The following SETD1B variants were observed in gnomAD, a reference collection of about 807,000 sequenced individuals.
The protein encoded by SETD1B is histone-lysine N-methyltransferase SETD1B.
A neutral mutation model predicts 148.0 loss-of-function variants in SETD1B; 7 were observed. The observed-to-expected ratio is 0.05, with a 90% CI of 0.03 to 0.09. The LOEUF (loss-of-function observed/expected upper bound fraction) is 0.09. Among genes scored for constraint, SETD1B ranks in the 10% least tolerant of loss-of-function variants. SETD1B has a pLI of 1.00. For synonymous variants in SETD1B, 1,361 were observed against 1,186.5 expected, an observed-to-expected ratio of 1.15 and a Z score of -3.02; for missense variants, 2,155 against 2,729.9, an observed-to-expected ratio of 0.79 and a Z score of 4.69.
In SETD1B at chr12:121,808,170, G is replaced by A; in HGVS notation, c.545-38G>A. The A allele has an allele frequency of 6.7e-7, 1 of 1,499,166 alleles. No individual in the cohort carries two copies. The highest frequency in any genetic ancestry group is 9.1e-7 in the Non-Finnish European group (1 of 1,101,854). The allele number at this position is 1,499,166 out of a possible 1,614,324, so 92.9% of individuals were successfully genotyped here. On this transcript the variant is annotated intron_variant, in intron 4 of 16. Coordinates refer to ENST00000604567, the MANE Select transcript of SETD1B (RefSeq NM_001353345.2). The surrounding 1 kb of genome is among the most constrained non-coding windows in gnomAD (Gnocchi z 5.3). ...TCCTTGTGGGGGCTGCCCCATCCTGGAACCTCACTGAGTTCCCCCTTTCCT... is the reference window on the plus strand; with the variant it reads ...TCCTTGTGGGGGCTGCCCCATCCTGAAACCTCACTGAGTTCCCCCTTTCCT...
chr12:121,816,857 G>A (rs576803044), intron 7 of SETD1B, among the ~76,000 whole-genome samples, 176 bp from the exon 8 acceptor site: 4 of 152,312 alleles, frequency 2.6e-5, no homozygotes, highest in East Asian at 1.9e-4. Context: ...GAGGCAGAGC[G>A]GTGCTCTAGA....
Position 121,823,079 on chromosome 12 carries a change from G to GCCCC in SETD1B, c.4502_4503insCCCC (p.Leu1503ThrfsTer65). Reference sequence around the variant, plus strand: ...CCCAGGCTCGTGCGCCCACCCCGCTGCCACCCCTGCTGCCCGCCCCCCTGG... The same window carrying GCCCC: ...CCCAGGCTCGTGCGCCCACCCCGCTGCCCCCCACCCCTGCTGCCCGCCCCCCTGG... On this transcript the variant is annotated frameshift_variant, in exon 12 of 17. Transcript: ENST00000604567. LOFTEE classifies it high-confidence loss of function. The GCCCC allele has an allele frequency of 1.4e-6, 2 of 1,434,188 alleles. No individual in the cohort carries two copies. The highest frequency in any genetic ancestry group is 1.4e-5 in the South Asian group (1 of 71,428). 88.8% of individuals were successfully genotyped at this position (1,434,188 alleles called of 1,614,324 possible).
In SETD1B at chr12:121,810,176, C is replaced by T. The variant is rs1399079579; in HGVS notation, c.1231C>T (p.Pro411Ser). The change falls in exon 6 of 17, where the codon CCG (proline) becomes TCG (serine). Residue 411 changes from proline (P) to serine (S), a missense_variant. Physicochemically the swap from Pro to Ser is moderately conservative, Grantham distance 74. This residue lies in a region of SETD1B where 376 missense variants were observed against 385.0 expected (regional missense o/e 0.98). Coordinates refer to ENST00000604567, the MANE Select transcript of SETD1B (RefSeq NM_001353345.2). This position sits in a 1 kb window ranked among gnomAD's most constrained non-coding sequence, Gnocchi z 7.6. ...QTPVAHFPPPPEEPTATAAFG... is the reference protein window; with the variant it reads ...QTPVAHFPPPSEEPTATAAFG... ...CCCAGTGGCCCACTTCCCTCCACCCCCGGAAGAGCCCACCGCCACAGCCGC... is the reference window on the plus strand; with the variant it reads ...CCCAGTGGCCCACTTCCCTCCACCCTCGGAAGAGCCCACCGCCACAGCCGC... The T allele has an allele frequency of 6.5e-7, 1 of 1,549,836 alleles. No homozygotes were observed.
In SETD1B at chr12:121,829,924, C is replaced by T. The variant is rs1322615901; in HGVS notation, c.5728-142C>T. On this transcript the variant is annotated intron_variant, in intron 16 of 16. Transcript: ENST00000604567. ...GGTCACCCCTGGGGGTCGGGGGAGC[C>T]AAGGTCCAGAGCAGAGCAGTGGGCT... is the stretch of plus-strand genomic sequence containing the variant. 8.2e-6 allele frequency: 5 copies of T among 607,954 alleles called. No individual in the cohort carries two copies. The Admixed American group carries it at 1.8e-4, about 21-fold the overall frequency. The allele number at this position is 607,954 out of a possible 1,614,324, so 37.7% of individuals were successfully genotyped here.
the SETD1B span, chr12:121,797,107 G>C: frequency 1.3e-4 from 30 of 238,438 alleles, no homozygotes; most frequent in South Asian, 1.0e-3. Context: ...GAAGTCACAT[G>C]CCAGCTACAG....
At chr12:121,802,558 A>G (rs1162560656), upstream of SETD1B, 1 of 152,058 alleles carries the variant, frequency 6.6e-6, no homozygotes, top group East Asian at 1.9e-4. Flanking sequence ...TCAAGAGAAT[A>G]CAGATTAAGA....
chr12:121,824,979 CAAAAAAAAAAA>C (rs780514725), intron 12 of SETD1B, among the ~76,000 whole-genome samples: 6 of 57,182 alleles, frequency 1.0e-4, no homozygotes, highest in Non-Finnish European at 1.5e-4. Context: ...GACCCTGTCT[CAAAAAAAAAAA>C]AAAAAAAAAA....
chr12:121,793,707 C>A, the SETD1B span: 1 of 1,328,654 alleles, frequency 7.5e-7, no homozygotes, highest in South Asian at 1.6e-5. Flanking sequence ...CGGGGCGGGG[C>A]CGGAACCAGC....
intron 11 of SETD1B, among the ~76,000 whole-genome samples, chr12:121,821,643 T>C (rs989175105): frequency 2.0e-5 from 3 of 147,038 alleles, no homozygotes; most frequent in Admixed American, 2.0e-4. Flanking sequence ...CCCAGCGGCT[T>C]GGGAGGCTGA....
At position 121,828,025 on chromosome 12, in the gene SETD1B, C is replaced by T; in HGVS notation, c.5682C>T (p.Ala1894=). The change falls in exon 16 of 17, where the codon GCC becomes GCT. Residue 1894 remains alanine, a synonymous_variant. Transcript: ENST00000604567. The part of the protein sequence containing the change: ...FRVDHDTIID[A]TKCGNFARFI... The stretch of plus-strand genomic sequence containing the variant: ...TGGACCATGACACCATCATCGACGC[C>T]ACCAAGTGCGGCAACTTCGCGCGCT... 2 of 1,552,296 alleles carry T rather than the reference C, an allele frequency of 1.3e-6. No homozygotes were observed. Among genetic ancestry groups the T allele is most frequent in the Non-Finnish European group, 1.7e-6 (2 of 1,147,202 alleles).
At chr12:121,826,742 G>A (rs1430268002) in intron 13 of SETD1B, among the ~76,000 whole-genome samples, 3 of 152,062 alleles carry the variant, frequency 2.0e-5, no homozygotes, top group Non-Finnish European at 4.4e-5. Context: ...GCTGGGCCGC[G>A]AGGAGCCATT....
Position 121,817,424 on chromosome 12 carries a change from A to G in SETD1B, c.3032A>G (p.Lys1011Arg). Reference sequence around the variant, plus strand: ...GCAGACACCCCCTGTGAGCTCGCCAAGCGGGACCCCAAGGGCGTGGGTGTG... The same window carrying G: ...GCAGACACCCCCTGTGAGCTCGCCAGGCGGGACCCCAAGGGCGTGGGTGTG... ...DMADTPCELA[K>R]RDPKGVGVRR... The change falls in exon 9 of 17, where the codon AAG becomes AGG. Residue 1011 changes from lysine to arginine, a missense_variant. By Grantham distance (26) the Lys-to-Arg change is conservative. Around this residue, in one of 11 missense-constraint regions of SETD1B, gnomAD observed 289 missense variants for 423.7 expected, o/e 0.68. Transcript: ENST00000604567. The surrounding 1 kb of genome is among the most constrained non-coding windows in gnomAD (Gnocchi z 8.1). The G allele has an allele frequency of 6.5e-7, 1 of 1,540,076 alleles. No homozygotes were observed. Among genetic ancestry groups the G allele is most frequent in the East Asian group, 2.5e-5 (1 of 40,642 alleles).
chr12:121,813,640 G>A (rs1016349824), intron 6 of SETD1B, among the ~76,000 whole-genome samples: 2 of 152,224 alleles, frequency 1.3e-5, no homozygotes, highest in African/African-American at 2.4e-5. Flanking sequence ...CACTATGGAA[G>A]TGGCAACTAT....
At position 121,822,808 on chromosome 12, in the gene SETD1B, A is replaced by C. The variant is rs762600731; in HGVS notation, c.4229A>C (p.Tyr1410Ser). 38 of 1,507,270 alleles carry C rather than the reference A, an allele frequency of 2.5e-5. No individual in the cohort carries two copies. The East Asian group carries it at 8.4e-4, about 33-fold the overall frequency. 93.4% of individuals were successfully genotyped at this position (1,507,270 alleles called of 1,614,324 possible). ...SPQVPGSPFSYPAPSPSLSSG... is the reference protein window; with the variant it reads ...SPQVPGSPFSSPAPSPSLSSG... ...CAAGTGCCCGGCAGCCCCTTCTCCTACCCAGCCCCGTCCCCTAGCTTGAGC... is the reference window on the plus strand; with the variant it reads ...CAAGTGCCCGGCAGCCCCTTCTCCTCCCCAGCCCCGTCCCCTAGCTTGAGC... The change falls in exon 12 of 17, where the codon TAC becomes TCC. Residue 1410 changes from tyrosine to serine, a missense_variant. Around this residue, in one of 11 missense-constraint regions of SETD1B, gnomAD observed 862 missense variants for 873.8 expected, o/e 0.99. Coordinates refer to ENST00000604567, the MANE Select transcript of SETD1B (RefSeq NM_001353345.2).
chr12:121,804,724 G>A lies in SETD1B; in HGVS notation c.-14G>A, dbSNP rs1478180472. 6.5e-7 allele frequency: 1 copy of A among 1,548,104 alleles called. No homozygotes were observed. The highest frequency in any genetic ancestry group is 8.7e-7 in the Non-Finnish European group (1 of 1,146,294). ...ACGACAACAACTTGCTGGTTTTCAG[G>A]TTGGGTTAACGGCATGGAGAACAGT... On this transcript the variant is annotated splice_region_variant and 5_prime_UTR_variant, in exon 2 of 17. An upstream start codon of the reference 5' UTR is lost. Transcript: ENST00000604567. This position sits in a 1 kb window ranked among gnomAD's most constrained non-coding sequence, Gnocchi z 4.6.
chr12:121,797,404 G>A, the SETD1B span: 3 of 452,592 alleles, frequency 6.6e-6, no homozygotes, highest in Admixed American at 2.4e-5. Flanking sequence ...GGGCGCCCTC[G>A]AGGGACCAGC....
intron 12 of SETD1B, among the ~76,000 whole-genome samples, chr12:121,824,253 C>T (rs981908976): frequency 6.6e-6 from 1 of 152,226 alleles, no homozygotes; most frequent in Admixed American, 6.5e-5. Flanking sequence ...CACCACCAGG[C>T]TTTCATGAGG....
At chr12:121,803,267 G>A (rs1875489341), upstream of SETD1B, 1 of 152,294 alleles carries the variant, frequency 6.6e-6, no homozygotes, top group Non-Finnish European at 1.5e-5. This position sits in a 1 kb window ranked among gnomAD's most constrained non-coding sequence, Gnocchi z 4.7. Context: ...AAAGAAAGGG[G>A]AAGGAAAAGA....
upstream of SETD1B, chr12:121,803,532 C>G (rs1875511542): frequency 6.6e-6 from 1 of 152,230 alleles, no homozygotes; most frequent in African/African-American, 2.4e-5. The surrounding 1 kb of genome is among the most constrained non-coding windows in gnomAD (Gnocchi z 4.7). Flanking sequence ...GCAGATACCT[C>G]GATTGCAACT....
Sources: allele counts gnomAD v4.1 joint callset (sites outside exome capture counted in the v4.1 genomes callset), GRCh38; gene constraint gnomAD v4.1.1; regional missense constraint gnomAD v4.1.1; non-coding constraint Gnocchi (gnomAD v3.1); transcripts MANE v1.5; gene names NCBI Gene and HGNC (gene_info 2026-07-23, HGNC 2026-07-21).